CELF2: variants seen among roughly 807,000 people sequenced by gnomAD.
CELF2 encodes CUG triplet repeat RNA-binding protein 2.
Under a neutral mutation model 62.6 loss-of-function variants are expected in CELF2, and 8 were observed. That is an observed-to-expected ratio of 0.13 (90% CI 0.07 to 0.23). CELF2 has a LOEUF of 0.23. CELF2 is among the 10% of genes least tolerant of loss of function. CELF2 has a pLI of 1.00. For missense variants in CELF2, 333 were observed against 671.0 expected (o/e 0.50, Z 5.56); for synonymous variants, 258 against 250.0 (o/e 1.03, Z -0.30).
chr10:10,724,392 A>G, the CELF2 span, among the ~76,000 whole-genome samples: 24 of 152,150 alleles, frequency 1.6e-4, 1 homozygote, highest in African/African-American at 5.8e-4. Context: ...ATGGTGGCTC[A>G]TGCCTGTAAT....
the CELF2 span, among the ~76,000 whole-genome samples, chr10:10,783,049 A>T: frequency 1.3e-5 from 2 of 152,270 alleles, no homozygotes; most frequent in Admixed American, 6.5e-5. Flanking sequence ...TTAAGGTAGG[A>T]TGTATCTCTT....
At chr10:11,326,533 A>G (rs2095743860) in intron 12 of CELF2, among the ~76,000 whole-genome samples, 1 of 152,168 alleles carries the variant, frequency 6.6e-6, no homozygotes, top group African/African-American at 2.4e-5. Flanking sequence ...TGCAGCTGTT[A>G]TCAGAGACTC....
chr10:10,657,922 T>G, the CELF2 span, among the ~76,000 whole-genome samples: 1 of 152,350 alleles, frequency 6.6e-6, no homozygotes, highest in East Asian at 1.9e-4. Context: ...AAGGCTTGCT[T>G]TGCCCTGTTA....
intron 1 of CELF2, among the ~76,000 whole-genome samples, chr10:10,914,609 C>T (rs1056872856): frequency 1.3e-5 from 2 of 152,032 alleles, no homozygotes; most frequent in African/African-American, 4.8e-5. Context: ...GGAGAGCTTT[C>T]CTGTTGGTTC....
At chr10:10,539,820 G>A in the CELF2 span, among the ~76,000 whole-genome samples, 1 of 152,230 alleles carries the variant, frequency 6.6e-6, no homozygotes, top group South Asian at 2.1e-4. Context: ...TTCAGTTACA[G>A]AGGCTTTCAA....
At chr10:11,327,451 A>G (rs2095810869) in intron 12 of CELF2, among the ~76,000 whole-genome samples, 1 of 152,256 alleles carries the variant, frequency 6.6e-6, no homozygotes, top group Admixed American at 6.5e-5. Flanking sequence ...ATTCTTGAGC[A>G]TGATGGACTG....
chr10:11,054,765 A>C (rs533771813), intron 1 of CELF2, among the ~76,000 whole-genome samples: 1 of 152,298 alleles, frequency 6.6e-6, no homozygotes, highest in Non-Finnish European at 1.5e-5. Flanking sequence ...CCAAGGCTCA[A>C]GTGCAGTGGT....
At chr10:10,712,569 C>A in the CELF2 span, among the ~76,000 whole-genome samples, 1 of 151,908 alleles carries the variant, frequency 6.6e-6, no homozygotes, top group Non-Finnish European at 1.5e-5. Flanking sequence ...CAAATACAAC[C>A]AGCAATGAAA....
the CELF2 span, among the ~76,000 whole-genome samples, chr10:10,662,598 A>G: frequency 6.6e-6 from 1 of 152,190 alleles, no homozygotes; most frequent in Non-Finnish European, 1.5e-5. Flanking sequence ...TGTGCCTAAG[A>G]AGTCTCATTT....
chr10:10,992,978 C>A (rs1415676933), intron 2 of CELF2, among the ~76,000 whole-genome samples: 1 of 152,150 alleles, frequency 6.6e-6, no homozygotes, highest in East Asian at 1.9e-4. Context: ...TGCTGAAACA[C>A]TTATATATTC....
At chr10:10,574,776 C>G in the CELF2 span, among the ~76,000 whole-genome samples, 180 of 151,444 alleles carry the variant, frequency 1.2e-3, 4 homozygotes, top group South Asian at 0.031. Context: ...GTGGCATGAT[C>G]TTTGCTCACT....
At chr10:11,071,864 G>C (rs1419762314) in intron 1 of CELF2, among the ~76,000 whole-genome samples, 1 of 152,186 alleles carries the variant, frequency 6.6e-6, no homozygotes, top group Non-Finnish European at 1.5e-5. Flanking sequence ...TCTCACCCCT[G>C]ACAAGTCCCG....
intron 2 of CELF2, among the ~76,000 whole-genome samples, chr10:10,954,090 A>G (rs1428426174): frequency 6.6e-6 from 1 of 151,914 alleles, no homozygotes; most frequent in East Asian, 1.9e-4. Context: ...CAGATTGGCA[A>G]AAGTCAGAAA....
At chr10:10,929,841 T>C (rs565810211) in intron 2 of CELF2, among the ~76,000 whole-genome samples, 1 of 152,226 alleles carries the variant, frequency 6.6e-6, no homozygotes, top group South Asian at 2.1e-4. Context: ...AAATTCAGAG[T>C]TTAATTATGC....
At chr10:10,834,616 T>TA (rs1038726427) in intron 1 of CELF2, among the ~76,000 whole-genome samples, 10 of 152,204 alleles carry the variant, frequency 6.6e-5, no homozygotes, top group African/African-American at 2.4e-4. Flanking sequence ...TGACCATTGT[T>TA]ACGAGGGATG....
intron 1 of CELF2, among the ~76,000 whole-genome samples, chr10:10,910,994 GA>G (rs1183678446): frequency 2.6e-5 from 4 of 152,196 alleles, no homozygotes; most frequent in Admixed American, 6.5e-5. Flanking sequence ...TAGAATTACA[GA>G]GCATATGGTG....
chr10:11,252,902 G>A (rs1363298605), intron 4 of CELF2, among the ~76,000 whole-genome samples: 11 of 152,210 alleles, frequency 7.2e-5, no homozygotes, highest in Admixed American at 2.0e-4. Flanking sequence ...GACAAATGGC[G>A]GGACAGGCAG....
intron 1 of CELF2, among the ~76,000 whole-genome samples, chr10:10,897,133 G>A (rs947743497): frequency 6.6e-6 from 1 of 152,168 alleles, no homozygotes; most frequent in Non-Finnish European, 1.5e-5. Context: ...TCTGGTGAAG[G>A]CTCAGTGAGA....
the CELF2 span, among the ~76,000 whole-genome samples, chr10:10,696,008 G>A: frequency 5.3e-5 from 8 of 150,728 alleles, no homozygotes; most frequent in South Asian, 2.1e-4. Context: ...CTCTCAGCTC[G>A]TCAAAGTCAT....
Sources: allele counts gnomAD v4.1 joint callset (sites outside exome capture counted in the v4.1 genomes callset), GRCh38; gene constraint gnomAD v4.1.1; transcripts MANE v1.5; gene names NCBI Gene and HGNC (gene_info 2026-07-23, HGNC 2026-07-21).